Variants in KBTBD3 observed in about 807,000 individuals in gnomAD.
KBTBD3 encodes the protein kelch repeat and BTB domain containing 3.
In KBTBD3, 38 loss-of-function variants were observed where a neutral mutation model predicts 49.6. The observed-to-expected ratio is 0.77, with a 90% CI of 0.59 to 1.00. KBTBD3 has a LOEUF of 1.00. Ranked by LOEUF, KBTBD3 falls within the 50% of genes least tolerant of loss-of-function variation. KBTBD3 has a pLI of 0.00. For missense variants in KBTBD3, 661 were observed against 712.0 expected (o/e 0.93, Z 0.81); for synonymous variants, 214 against 250.4 (o/e 0.85, Z 1.37).
intron 2 of KBTBD3, among the ~76,000 whole-genome samples, chr11:106,068,329 A>G (rs1591538302): frequency 6.6e-6 from 1 of 152,208 alleles, no homozygotes; most frequent in African/African-American, 2.4e-5. Context: ...CTAAAAATCA[A>G]TAACAAAAAG....
chr11:106,059,457 T>C (rs1893174), intron 2 of KBTBD3, among the ~76,000 whole-genome samples: 105,456 of 152,104 alleles, frequency 0.69, 41,827 homozygotes, highest in Non-Finnish European at 0.88. Flanking sequence ...ATTTCTAACA[T>C]AGTTTTGAGT....
chr11:106,074,057 G>A (rs572234715), intron 2 of KBTBD3, among the ~76,000 whole-genome samples: 5 of 151,878 alleles, frequency 3.3e-5, no homozygotes, highest in Admixed American at 1.3e-4. Flanking sequence ...GAAATACAGC[G>A]AAAAACAACA....
At position 106,076,597 on chromosome 11, in the gene KBTBD3, A is replaced by G. The variant is rs1861035143; in HGVS notation, c.-103T>C. ...ACCGCACTTTAATCGACCTCCAGGT[A>G]GTCATTTACAGTCATCTGCAGAGAC... On this transcript the variant is annotated 5_prime_UTR_variant, in exon 2 of 4. Transcript: ENST00000531837. 2 of 152,194 alleles carry G rather than the reference A, an allele frequency of 1.3e-5. No homozygotes were observed. The highest frequency in any genetic ancestry group is 4.8e-5 in the African/African-American group (2 of 41,448). The allele number at this position is 152,194 out of a possible 1,614,324, so 9.4% of individuals were successfully genotyped here. A position where few individuals can be genotyped will look rare whatever the true frequency, so the allele number is the denominator to read the frequency against.
In KBTBD3 at chr11:106,053,966, C is replaced by T; in HGVS notation, c.723G>A (p.Val241=). ...QKYLPHLIEK[V]RLHQLSEETL... ...TCTCCTCAGATAACTGATGTAATCT[C>T]ACTTTTTCAATCAAATGAGGCAGAT... The change falls in exon 4 of 4, where the codon GTG becomes GTA. Residue 241 remains valine, a synonymous_variant. Transcript: ENST00000531837. 6.2e-7 allele frequency: 1 copy of T among 1,613,896 alleles called. No homozygotes were observed.
At chr11:106,070,653 T>C (rs1860899806) in intron 2 of KBTBD3, among the ~76,000 whole-genome samples, 1 of 152,102 alleles carries the variant, frequency 6.6e-6, no homozygotes, top group African/African-American at 2.4e-5. Context: ...GTGGAAATAG[T>C]TTGGCAGTTT....
In KBTBD3 at chr11:106,053,413, A is replaced by T; in HGVS notation, c.1276T>A (p.Ser426Thr). The part of the protein sequence containing the change: ...RDIKSLLDVE[S>T]YNPLSKEWIS... ...CATTCTTTGGAAAGAGGATTGTAAGATTCAACATCTAAGAGACTTTTAATG... is the reference window on the plus strand; with the variant it reads ...CATTCTTTGGAAAGAGGATTGTAAGTTTCAACATCTAAGAGACTTTTAATG... The change falls in exon 4 of 4, where the codon TCT (serine) becomes ACT (threonine). Residue 426 changes from serine to threonine, a missense_variant. By Grantham distance (58) the Ser-to-Thr change is moderately conservative. Coordinates refer to ENST00000531837, the MANE Select transcript of KBTBD3 (RefSeq NM_198439.3). 1.9e-6 allele frequency: 3 copies of T among 1,613,506 alleles called. No homozygotes were observed. Among genetic ancestry groups the T allele is most frequent in the Non-Finnish European group, 2.5e-6 (3 of 1,179,800 alleles).
At chr11:106,067,686 A>G (rs1860835355) in intron 2 of KBTBD3, among the ~76,000 whole-genome samples, 1 of 152,210 alleles carries the variant, frequency 6.6e-6, no homozygotes, top group South Asian at 2.1e-4. Flanking sequence ...TTCTAAAAAA[A>G]GTTCAAGTAA....
At chr11:106,067,184 T>A (rs1227811786) in intron 2 of KBTBD3, among the ~76,000 whole-genome samples, 4 of 152,186 alleles carry the variant, frequency 2.6e-5, no homozygotes, top group Non-Finnish European at 5.9e-5. Flanking sequence ...TCTGGCTCTA[T>A]ACCCACCCAA....
intron 2 of KBTBD3, among the ~76,000 whole-genome samples, chr11:106,071,438 G>T (rs1317496443): frequency 1.3e-5 from 2 of 152,080 alleles, no homozygotes; most frequent in Non-Finnish European, 2.9e-5. Context: ...CATGGTTCAT[G>T]AATAAGTGGA....
intron 2 of KBTBD3, among the ~76,000 whole-genome samples, chr11:106,069,100 C>T (rs1376000311): frequency 6.6e-6 from 1 of 152,106 alleles, no homozygotes; most frequent in Non-Finnish European, 1.5e-5. Context: ...CTATAGATAA[C>T]ATTATGCTAA....
intron 2 of KBTBD3, among the ~76,000 whole-genome samples, chr11:106,069,325 ATAGTCC>A (rs899810389): frequency 3.3e-5 from 5 of 152,084 alleles, no homozygotes; most frequent in Non-Finnish European, 5.9e-5. Context: ...AAATTCCAAG[ATAGTCC>A]ATGTAGAAAC....
Position 106,053,477 on chromosome 11 carries a change from T to C in KBTBD3, c.1212A>G (p.Arg404=). The C allele has an allele frequency of 6.2e-7, 1 of 1,613,760 alleles. No individual in the cohort carries two copies. Among genetic ancestry groups the C allele is most frequent in the Non-Finnish European group, 8.5e-7 (1 of 1,179,842 alleles). Residue 404 remains arginine (R), a synonymous_variant, in exon 4 of 4, where the codon AGA becomes AGG. Coordinates refer to ENST00000531837, the MANE Select transcript of KBTBD3 (RefSeq NM_198439.3). ...TMHTSVMALD[R]LFVIGGKTRG... is the part of the protein sequence containing the mutation. ...TAGTTTTTCCACCTATGACAAATAA[T>C]CTATCGAGAGCCATAACTGATGTAT...
In KBTBD3 at chr11:106,052,954, A is replaced by G. The variant is rs1860451827; in HGVS notation, c.1735T>C (p.Trp579Arg). 1.9e-6 allele frequency: 3 copies of G among 1,613,740 alleles called. No individual in the cohort carries two copies. The highest frequency in any genetic ancestry group is 1.7e-6 in the Non-Finnish European group (2 of 1,179,732). The change falls in exon 4 of 4, where the codon TGG becomes CGG. Residue 579 changes from tryptophan (W) to arginine (R), a missense_variant. Coordinates refer to ENST00000531837, the MANE Select transcript of KBTBD3 (RefSeq NM_198439.3). ...CTAGGCATTGGTGAAACTTCTTCCC[A>G]TTCAGACCTGTTGCTGTGGTAGACC... ...VQVYHSNRSE[W>R]EEVSPMPRAL...
chr11:106,056,142 A>G (rs900406482), intron 3 of KBTBD3, among the ~76,000 whole-genome samples: 3 of 152,100 alleles, frequency 2.0e-5, no homozygotes, highest in Non-Finnish European at 2.9e-5. Flanking sequence ...TCAGTATTCC[A>G]TTGAGTGAGT....
chr11:106,073,041 G>A (rs907434546), intron 2 of KBTBD3, among the ~76,000 whole-genome samples: 1 of 151,976 alleles, frequency 6.6e-6, no homozygotes, highest in East Asian at 1.9e-4. Context: ...TAACAAAAGG[G>A]GTAACAGGGA....
intron 3 of KBTBD3, among the ~76,000 whole-genome samples, chr11:106,056,812 T>G (rs1434177796): frequency 6.6e-6 from 1 of 152,210 alleles, no homozygotes; most frequent in African/African-American, 2.4e-5. Flanking sequence ...ACTTAACCAC[T>G]GTACCACACA....
intron 3 of KBTBD3, among the ~76,000 whole-genome samples, chr11:106,056,347 C>T (rs745328171): frequency 3.2e-4 from 49 of 152,182 alleles, no homozygotes; most frequent in Non-Finnish European, 4.4e-4. Flanking sequence ...ATTTTAAAAA[C>T]TAAAAGCAGA....
In KBTBD3 at chr11:106,059,051, G is replaced by T; in HGVS notation, c.47C>A (p.Thr16Lys). 6.4e-7 allele frequency: 1 copy of T among 1,553,224 alleles called. No individual in the cohort carries two copies. Among genetic ancestry groups the T allele is most frequent in the Non-Finnish European group, 8.6e-7 (1 of 1,161,550 alleles). The change falls in exon 3 of 4, where the codon ACA (threonine) becomes AAA (lysine). Residue 16 changes from threonine (T) to lysine (K), a missense_variant. Physicochemically the swap from Thr to Lys is moderately conservative, Grantham distance 78. Coordinates refer to ENST00000531837, the MANE Select transcript of KBTBD3 (RefSeq NM_198439.3). The stretch of plus-strand genomic sequence containing the variant: ...CTTCTCAGATGGAATTCCATTACAT[G>T]TGCTTCGTTGATTGAAAGCATATGA... ...DNSYAFNQRS[T>K]CNGIPSEKKN...
intron 3 of KBTBD3, among the ~76,000 whole-genome samples, chr11:106,055,606 T>C (rs1465842959): frequency 1.3e-5 from 2 of 152,182 alleles, no homozygotes; most frequent in African/African-American, 2.4e-5. Context: ...TAAGAGTCCA[T>C]GTAGCCCAGC....
Sources: gnomAD v4.1 joint callset for allele counts (sites outside exome capture counted in the v4.1 genomes callset) on GRCh38, gnomAD v4.1.1 for gene constraint, MANE v1.5 for transcripts, NCBI Gene and HGNC (gene_info 2026-07-23, HGNC 2026-07-21) for gene names.